PTPRJ: variants seen among roughly 807,000 people sequenced by gnomAD.
PTPRJ encodes the protein receptor-type tyrosine-protein phosphatase eta.
Under a neutral mutation model 141.3 loss-of-function variants are expected in PTPRJ, and 129 were observed. The ratio of observed to expected loss-of-function variants is 0.91; its 90% CI spans 0.79 to 1.06. The LOEUF (loss-of-function observed/expected upper bound fraction) is 1.06, where lower values mean the gene tolerates loss of function less well. Ranked by LOEUF, PTPRJ falls within the 50% of genes least tolerant of loss-of-function variation. The probability of loss-of-function intolerance (pLI) is 0.00; values close to 1 mark genes in which losing one functional copy is unlikely to be tolerated. For synonymous variants in PTPRJ, 610 were observed against 640.5 expected (o/e 0.95, Z 0.72); for missense variants, 1,601 against 1,679.7 (o/e 0.95, Z 0.82).
chr11:47,982,556 C>T (rs1853938738), intron 1 of PTPRJ, among the ~76,000 whole-genome samples: 2 of 151,978 alleles, frequency 1.3e-5, no homozygotes, highest in African/African-American at 4.8e-5. Context: ...TTGAAGATTT[C>T]TTGTATCAAA....
At chr11:48,068,789 G>T (rs1855153113) in intron 1 of PTPRJ, among the ~76,000 whole-genome samples, 1 of 152,166 alleles carries the variant, frequency 6.6e-6, no homozygotes, top group Non-Finnish European at 1.5e-5. Flanking sequence ...GCATGGGCTG[G>T]GTCCCTCTCC....
At chr11:48,104,541 T>TA (rs1856239137) in intron 1 of PTPRJ, among the ~76,000 whole-genome samples, 1 of 152,212 alleles carries the variant, frequency 6.6e-6, no homozygotes, top group Admixed American at 6.5e-5. Flanking sequence ...AGTCTATTGT[T>TA]ACCCATTGTG....
intron 6 of PTPRJ, 59 bp downstream of exon 6, chr11:48,125,245 C>A: frequency 6.4e-7 from 1 of 1,553,394 alleles, no homozygotes; most frequent in South Asian, 1.1e-5. Context: ...TGTTCTGTCT[C>A]CTGTGATTCT....
chr11:48,141,733 G>C (rs1857232399), intron 11 of PTPRJ, among the ~76,000 whole-genome samples: 1 of 152,140 alleles, frequency 6.6e-6, no homozygotes, highest in Admixed American at 6.5e-5. Flanking sequence ...TGAGTCATAT[G>C]GGACTGGGGG....
chr11:48,079,293 G>A (rs949267838), intron 1 of PTPRJ, among the ~76,000 whole-genome samples: 27 of 152,168 alleles, frequency 1.8e-4, no homozygotes, highest in African/African-American at 1.2e-4. Flanking sequence ...GATGCAGTAC[G>A]GGAGAGTTTT....
chr11:48,038,462 A>G (rs1854183254), intron 1 of PTPRJ, among the ~76,000 whole-genome samples: 1 of 151,762 alleles, frequency 6.6e-6, no homozygotes, highest in African/African-American at 2.4e-5. Flanking sequence ...CTTTAAGACT[A>G]CTGATAACAG....
At chr11:48,020,245 G>C (rs1425762339) in intron 1 of PTPRJ, among the ~76,000 whole-genome samples, 3 of 152,160 alleles carry the variant, frequency 2.0e-5, no homozygotes, top group Non-Finnish European at 4.4e-5. Flanking sequence ...TCCACCTTGC[G>C]TCTTACTTGG....
intron 1 of PTPRJ, among the ~76,000 whole-genome samples, chr11:48,055,630 AG>A (rs1289823102): frequency 6.6e-6 from 1 of 152,160 alleles, no homozygotes; most frequent in Non-Finnish European, 1.5e-5. Flanking sequence ...CTAGCTTCCA[AG>A]GCATACTGAC....
At chr11:48,054,538 G>A (rs1170107080) in intron 1 of PTPRJ, among the ~76,000 whole-genome samples, 1 of 152,068 alleles carries the variant, frequency 6.6e-6, no homozygotes, top group East Asian at 1.9e-4. Context: ...GAAGTGACTT[G>A]CCCACCTAGT....
intron 1 of PTPRJ, among the ~76,000 whole-genome samples, chr11:48,019,010 C>A (rs769248142): frequency 4.0e-5 from 6 of 151,810 alleles, no homozygotes; most frequent in Non-Finnish European, 7.4e-5. Flanking sequence ...CGTGTACGTG[C>A]GTGTGTGTGT....
chr11:48,130,787 T>G, intron 8 of PTPRJ, 71 bp downstream of exon 8: 2 of 1,393,570 alleles, frequency 1.4e-6, no homozygotes, highest in South Asian at 1.6e-5. Context: ...ATAAACATAA[T>G]GTTTCCAAAT....
At chr11:48,014,863 C>T (rs952364966) in intron 1 of PTPRJ, among the ~76,000 whole-genome samples, 1 of 152,050 alleles carries the variant, frequency 6.6e-6, no homozygotes, top group Admixed American at 6.6e-5. Context: ...CCACCATGCC[C>T]GGCTAATTTT....
intron 1 of PTPRJ, among the ~76,000 whole-genome samples, chr11:48,092,294 C>CAAAAA (rs3971621): frequency 1.0e-2 from 467 of 46,718 alleles, no homozygotes; most frequent in Middle Eastern, 0.025. Flanking sequence ...GATTTCATCT[C>CAAAAA]AAAAAAAAAA....
At chr11:48,030,438 C>T (rs966442187) in intron 1 of PTPRJ, among the ~76,000 whole-genome samples, 33 of 152,160 alleles carry the variant, frequency 2.2e-4, no homozygotes, top group African/African-American at 7.5e-4. Flanking sequence ...TGCTGGGGCT[C>T]CATCCCCCTT....
chr11:48,142,667 C>T (rs1478242730), intron 11 of PTPRJ, among the ~76,000 whole-genome samples: 1 of 152,176 alleles, frequency 6.6e-6, no homozygotes, highest in Non-Finnish European at 1.5e-5. Flanking sequence ...CTGCTGGGTG[C>T]CTGCCCTGGG....
chr11:48,135,974 T>C, intron 8 of PTPRJ, 65 bp from the exon 9 acceptor site: 1 of 1,561,762 alleles, frequency 6.4e-7, no homozygotes, highest in Non-Finnish European at 8.7e-7. Flanking sequence ...TCGACAGCAC[T>C]TGGAGAGGAA....
chr11:48,024,611 G>C (rs550762313), intron 1 of PTPRJ, among the ~76,000 whole-genome samples: 3 of 152,218 alleles, frequency 2.0e-5, no homozygotes, highest in Non-Finnish European at 4.4e-5. Context: ...CCAAGCAGCC[G>C]TTGCTAATGG....
intron 10 of PTPRJ, among the ~76,000 whole-genome samples, chr11:48,138,647 A>T (rs1367732128): frequency 6.6e-6 from 1 of 152,338 alleles, no homozygotes. Flanking sequence ...GAGGAAACTG[A>T]TGCATCATCA....
chr11:48,112,288 T>A (rs1277803464), intron 2 of PTPRJ, among the ~76,000 whole-genome samples: 1 of 152,156 alleles, frequency 6.6e-6, no homozygotes, highest in Non-Finnish European at 1.5e-5. Context: ...TCCCAACAGC[T>A]ATGCATATAC....
Sources: gnomAD v4.1 joint callset for allele counts (sites outside exome capture counted in the v4.1 genomes callset) on GRCh38, gnomAD v4.1.1 for gene constraint, MANE v1.5 for transcripts, NCBI Gene and HGNC (gene_info 2026-07-23, HGNC 2026-07-21) for gene names.